FHIT: variants seen among roughly 807,000 people sequenced by gnomAD.
The protein encoded by FHIT is fragile histidine triad diadenosine triphosphatase.
FHIT carries 19 observed loss-of-function variants against 17.9 expected under a neutral mutation model. That is an observed-to-expected ratio of 1.06 (90% CI 0.74 to 1.56). The LOEUF (loss-of-function observed/expected upper bound fraction) is 1.56, where lower values mean the gene tolerates loss of function less well. FHIT is among the 40% of genes most tolerant of loss of function. The pLI, the probability that FHIT is intolerant of heterozygous loss-of-function variation, is 0.00. For missense variants in FHIT, 248 were observed against 189.2 expected, an observed-to-expected ratio of 1.31 and a Z score of -1.82; for synonymous variants, 81 against 69.7, an observed-to-expected ratio of 1.16 and a Z score of -0.81.
At chr3:60,170,634 T>C (rs961238578) in intron 5 of FHIT, among the ~76,000 whole-genome samples, 1 of 152,166 alleles carries the variant, frequency 6.6e-6, no homozygotes, top group Non-Finnish European at 1.5e-5. Context: ...TTATCTTCCA[T>C]ATTCATATCT....
intron 2 of FHIT, among the ~76,000 whole-genome samples, chr3:61,113,208 C>T (rs950908337): frequency 6.6e-6 from 1 of 151,950 alleles, no homozygotes; most frequent in Non-Finnish European, 1.5e-5. Flanking sequence ...TGGGGTCTCA[C>T]TGTGTTGCCC....
chr3:60,530,363 G>C (rs1454683848), intron 5 of FHIT, among the ~76,000 whole-genome samples: 1 of 152,092 alleles, frequency 6.6e-6, no homozygotes, highest in Non-Finnish European at 1.5e-5. Context: ...ATTTTGAAGG[G>C]GCCAGGGCAA....
chr3:61,066,538 C>A (rs888652478), intron 2 of FHIT, among the ~76,000 whole-genome samples: 3 of 152,174 alleles, frequency 2.0e-5, no homozygotes, highest in African/African-American at 7.2e-5. Flanking sequence ...TTGCTTGAAC[C>A]TAGGAGGCAA....
intron 4 of FHIT, among the ~76,000 whole-genome samples, chr3:60,708,719 T>C (rs1160530006): frequency 1.3e-5 from 2 of 152,174 alleles, no homozygotes; most frequent in African/African-American, 2.4e-5. Context: ...CACTTTGCAA[T>C]ATATTTAAAA....
chr3:60,841,784 G>A (rs1702730774), intron 3 of FHIT, among the ~76,000 whole-genome samples: 2 of 151,976 alleles, frequency 1.3e-5, no homozygotes, highest in Non-Finnish European at 2.9e-5. Context: ...CCTAGGTGAG[G>A]AATCATAAAG....
chr3:60,630,555 C>T (rs1027529869), intron 4 of FHIT, among the ~76,000 whole-genome samples: 1 of 152,174 alleles, frequency 6.6e-6, no homozygotes, highest in Admixed American at 6.5e-5. Flanking sequence ...CCACAAGCCT[C>T]TCTGGGAACT....
intron 4 of FHIT, among the ~76,000 whole-genome samples, chr3:60,542,254 T>C (rs1364637225): frequency 6.6e-6 from 1 of 152,242 alleles, no homozygotes; most frequent in Non-Finnish European, 1.5e-5. Context: ...GCTGTAGAGC[T>C]AGCTTGATTA....
intron 8 of FHIT, among the ~76,000 whole-genome samples, chr3:59,875,199 C>G (rs925482271): frequency 9.2e-5 from 14 of 152,166 alleles, no homozygotes; most frequent in Non-Finnish European, 1.8e-4. Flanking sequence ...AATCACTCAG[C>G]CTATGATTTT....
chr3:59,935,647 G>A (rs1287730317), intron 7 of FHIT, among the ~76,000 whole-genome samples: 1 of 151,924 alleles, frequency 6.6e-6, no homozygotes, highest in Non-Finnish European at 1.5e-5. Flanking sequence ...GGATGGATGG[G>A]TGGGGTGGAT....
In FHIT at chr3:61,233,563, T is replaced by C. The variant is rs977279553; in HGVS notation, c.-213+17738A>G. ...TACAAAACAGTATATAAATGGACAA[T>C]TCCATTTTTTGTGCATCTGTGCATT... is the stretch of plus-strand genomic sequence containing the variant. On this transcript the variant is annotated intron_variant, in intron 1 of 9. Transcript: ENST00000492590. 8.5e-5 allele frequency among the ~76,000 whole-genome samples: 13 copies of C among 152,298 alleles called. No homozygotes were observed. The South Asian group carries it at 1.9e-3, about 22-fold the overall frequency.
At chr3:59,799,820 G>A (rs1699923528) in intron 8 of FHIT, among the ~76,000 whole-genome samples, 1 of 152,124 alleles carries the variant, frequency 6.6e-6, no homozygotes, top group Admixed American at 6.5e-5. Flanking sequence ...ACATAACGGT[G>A]TCTTGCAAGA....
chr3:60,681,771 C>T (rs936376914), intron 4 of FHIT, among the ~76,000 whole-genome samples: 2 of 152,060 alleles, frequency 1.3e-5, no homozygotes, highest in Non-Finnish European at 2.9e-5. Flanking sequence ...TAACTATATT[C>T]AATTCTATGA....
rs556976171 is a variant in FHIT, at chr3:60,142,999, C to T, written c.104-128847G>A. 3.3e-5 allele frequency among the ~76,000 whole-genome samples: 5 copies of T among 152,272 alleles called. No individual in the cohort carries two copies. In the East Asian group the frequency reaches 9.6e-4, roughly 29 times the overall value. On this transcript the variant is annotated intron_variant, in intron 5 of 9. Coordinates refer to ENST00000492590, the MANE Select transcript of FHIT (RefSeq NM_002012.4). ...ATCACTTAGATATGGCTGCTCTAAG[C>T]AGCTACTAGTTTGTCTTCAGCTTTC...
At chr3:59,930,941 G>GT (rs1262790229) in intron 7 of FHIT, among the ~76,000 whole-genome samples, 4 of 152,090 alleles carry the variant, frequency 2.6e-5, no homozygotes, top group Non-Finnish European at 5.9e-5. Context: ...GCAGTTTGGT[G>GT]TTCAGTCACT....
intron 8 of FHIT, among the ~76,000 whole-genome samples, chr3:59,841,562 A>T (rs1482423022): frequency 1.3e-5 from 2 of 152,122 alleles, no homozygotes; most frequent in Admixed American, 1.3e-4. Flanking sequence ...TGGAGGGCCT[A>T]CCTCAAAGTC....
At chr3:60,455,383 T>C (rs2032025138) in intron 5 of FHIT, among the ~76,000 whole-genome samples, 1 of 152,130 alleles carries the variant, frequency 6.6e-6, no homozygotes, top group African/African-American at 2.4e-5. Flanking sequence ...CTTACGGCCA[T>C]TTACAAGGTG....
Position 61,125,834 on chromosome 3 carries a change from T to A in FHIT, c.-164+74783A>T, listed in dbSNP as rs1028457592. Reference sequence around the variant, plus strand: ...GAGTAATCATTCAAGGAAATTTTTTTAAATGACAGTATCAATATTGAATAT... The same window carrying A: ...GAGTAATCATTCAAGGAAATTTTTTAAAATGACAGTATCAATATTGAATAT... On this transcript the variant is annotated intron_variant, in intron 2 of 9. Transcript: ENST00000492590. Among the ~76,000 whole-genome samples the A allele has an allele frequency of 2.6e-5, 4 of 152,292 alleles. No homozygotes were observed. In the East Asian group the frequency reaches 5.8e-4, roughly 22 times the overall value.
At chr3:60,760,255 G>A (rs572052951) in intron 4 of FHIT, among the ~76,000 whole-genome samples, 4 of 152,262 alleles carry the variant, frequency 2.6e-5, no homozygotes, top group South Asian at 4.1e-4. Flanking sequence ...TGAGGTTCAC[G>A]GCACCATGAA....
chr3:60,418,420 A>ACACACACACCACAGAC (rs1702342173), intron 5 of FHIT, among the ~76,000 whole-genome samples: 1 of 37,172 alleles, frequency 2.7e-5, no homozygotes, highest in African/African-American at 7.2e-5. Context: ...ATATATATAT[A>ACACACACACCACAGAC]TATATACGTG....
Sources: gnomAD v4.1 joint callset for allele counts (sites outside exome capture counted in the v4.1 genomes callset) on GRCh38, gnomAD v4.1.1 for gene constraint, MANE v1.5 for transcripts, NCBI Gene and HGNC (gene_info 2026-07-23, HGNC 2026-07-21) for gene names.